Variants in PTPRG observed in about 807,000 individuals in gnomAD.
PTPRG encodes receptor-type tyrosine-protein phosphatase gamma.
Under a neutral mutation model 165.3 loss-of-function variants are expected in PTPRG, and 102 were observed. The observed-to-expected ratio is 0.62, with a 90% CI of 0.53 to 0.73. PTPRG has a LOEUF of 0.73. Ranked by LOEUF, PTPRG falls within the 30% of genes least tolerant of loss-of-function variation. The probability of loss-of-function intolerance (pLI) is 0.00; values close to 1 mark genes in which losing one functional copy is unlikely to be tolerated. For synonymous variants in PTPRG, 675 were observed against 669.5 expected (o/e 1.01, Z -0.13); for missense variants, 1,866 against 1,861.4 (o/e 1.00, Z -0.05).
intron 2 of PTPRG, among the ~76,000 whole-genome samples, chr3:61,872,507 G>A (rs2037612572): frequency 6.6e-6 from 1 of 152,158 alleles, no homozygotes; most frequent in Admixed American, 6.5e-5. Context: ...TCTGTAAAGT[G>A]GGAATCATAA....
intron 5 of PTPRG, among the ~76,000 whole-genome samples, chr3:62,125,582 T>C (rs114670164): frequency 0.015 from 2,336 of 152,288 alleles, 59 homozygotes; most frequent in African/African-American, 0.052. Flanking sequence ...AAAGTCAAAG[T>C]TGTCCAGCAC....
rs1218170823 is a variant in PTPRG, at chr3:61,957,814, A to G, written c.191-31811A>G. Among the ~76,000 whole-genome samples, 3 of 152,206 alleles carry G rather than the reference A, an allele frequency of 2.0e-5. No homozygotes were observed. The East Asian group carries it at 5.8e-4, about 29-fold the overall frequency. ...GCAGCATCCAGTTTTGCACTATTGA[A>G]TCACCCCACTTGAAAGCCTCAGAGA... On this transcript the variant is annotated intron_variant, in intron 2 of 29. Coordinates refer to ENST00000474889, the MANE Select transcript of PTPRG (RefSeq NM_002841.4).
rs574639613 is a variant in PTPRG at position 62,195,612 on chromosome 3, G to C, written c.1327+442G>C. Among the ~76,000 whole-genome samples, 5 of 152,248 alleles carry C rather than the reference G, an allele frequency of 3.3e-5. No homozygotes were observed. Among genetic ancestry groups the C allele is most frequent in the Admixed American group, 2.0e-4 (3 of 15,300 alleles). On this transcript the variant is annotated intron_variant, in intron 10 of 29. Transcript: ENST00000474889. The surrounding 1 kb of genome is among the most constrained non-coding windows in gnomAD (Gnocchi z 4.4). ...TTGCAAGCCACACAAACAAGCGCCT[G>C]CATGCAGGATCCTTGAGATTCCTGG...
At chr3:62,027,906 A>T (rs1487441730) in intron 4 of PTPRG, among the ~76,000 whole-genome samples, 2 of 152,238 alleles carry the variant, frequency 1.3e-5, no homozygotes, top group Non-Finnish European at 2.9e-5. Flanking sequence ...ATAAAAAATC[A>T]CATCACTTGT....
intron 2 of PTPRG, among the ~76,000 whole-genome samples, chr3:61,847,519 C>A (rs1178212650): frequency 6.6e-6 from 1 of 152,172 alleles, no homozygotes; most frequent in East Asian, 1.9e-4. Flanking sequence ...CTCAGTCTCA[C>A]CGGCTGTATT....
chr3:61,820,603 GTTTTTTTTTTTTTTTTTTT>G (rs11329820), intron 2 of PTPRG, among the ~76,000 whole-genome samples: 1 of 65,730 alleles, frequency 1.5e-5, no homozygotes, highest in African/African-American at 6.5e-5. Flanking sequence ...CTGTGTCTCT[GTTTTTTTTTTTTTTTTTTT>G]TTTTTTTACT....
intron 1 of PTPRG, among the ~76,000 whole-genome samples, chr3:61,601,470 T>G (rs927177948): frequency 6.6e-6 from 1 of 152,222 alleles, no homozygotes; most frequent in Admixed American, 6.5e-5. Flanking sequence ...CATTATATCC[T>G]TTGGGTAATC....
intron 2 of PTPRG, among the ~76,000 whole-genome samples, chr3:61,886,579 C>T (rs1384976381): frequency 6.6e-6 from 1 of 152,072 alleles, no homozygotes; most frequent in Admixed American, 6.5e-5. Context: ...ACCTCCACTG[C>T]TGTTAGGATC....
chr3:62,096,883 A>G (rs1041876717), intron 5 of PTPRG, among the ~76,000 whole-genome samples: 3 of 152,206 alleles, frequency 2.0e-5, no homozygotes, highest in African/African-American at 7.2e-5. Context: ...TTTTATACTC[A>G]GTTATAATTT....
chr3:62,234,815 C>A (rs1700986995), intron 14 of PTPRG, among the ~76,000 whole-genome samples: 1 of 151,568 alleles, frequency 6.6e-6, no homozygotes. Flanking sequence ...TTTGAGTTTT[C>A]TTTTAAAAGT....
At chr3:62,022,161 CTG>C (rs1229069222) in intron 4 of PTPRG, among the ~76,000 whole-genome samples, 1 of 152,162 alleles carries the variant, frequency 6.6e-6, no homozygotes, top group African/African-American at 2.4e-5. Flanking sequence ...GGTACCATTG[CTG>C]TCTCATTAAT....
intron 2 of PTPRG, among the ~76,000 whole-genome samples, chr3:61,758,995 A>G (rs1018421932): frequency 6.6e-6 from 1 of 152,208 alleles, no homozygotes; most frequent in African/African-American, 2.4e-5. Context: ...ATAGTCTTAT[A>G]TGATCCTGTT....
rs549145766 is a variant in PTPRG, at chr3:62,193,821, G to A, written c.1219-1241G>A. Among the ~76,000 whole-genome samples, 7 of 152,328 alleles carry A rather than the reference G, an allele frequency of 4.6e-5. No homozygotes were observed. The South Asian group carries it at 1.2e-3, about 27-fold the overall frequency. On this transcript the variant is annotated intron_variant, in intron 9 of 29. Transcript: ENST00000474889. ...AAACCCACTCCCAATCGGTGGCTAA[G>A]CTCACAGAGCTGCTTCTATACTTGG...
chr3:62,264,798 G>T (rs191025933), intron 17 of PTPRG, among the ~76,000 whole-genome samples: 1 of 151,880 alleles, frequency 6.6e-6, no homozygotes, highest in South Asian at 2.1e-4. Flanking sequence ...CTTCTCTTTG[G>T]TGTATACGTA....
At chr3:62,129,421 A>G (rs536045733) in intron 5 of PTPRG, among the ~76,000 whole-genome samples, 1 of 152,272 alleles carries the variant, frequency 6.6e-6, no homozygotes, top group Admixed American at 6.5e-5. Flanking sequence ...GTAATTTATA[A>G]TGAACAGAAA....
At position 61,843,988 on chromosome 3, in the gene PTPRG, G is replaced by A. The variant is rs544361419; in HGVS notation, c.190+95006G>A. Reference sequence around the variant, plus strand: ...TCTTTTTTTTTTTTTTTTTGAAATGGAGTCTCATTCTGTCGCCCAGGCTGG... The same window carrying A: ...TCTTTTTTTTTTTTTTTTTGAAATGAAGTCTCATTCTGTCGCCCAGGCTGG... On this transcript the variant is annotated intron_variant, in intron 2 of 29. Transcript: ENST00000474889. Among the ~76,000 whole-genome samples, 679 of 144,410 alleles carry A rather than the reference G, an allele frequency of 4.7e-3. 3 individuals are homozygous for A. Among genetic ancestry groups the A allele is most frequent in the Non-Finnish European group, 7.9e-3 (527 of 66,704 alleles). 94.7% of individuals were successfully genotyped at this position (144,410 alleles called of 152,430 possible).
chr3:62,037,184 C>G (rs1450506194), intron 4 of PTPRG, among the ~76,000 whole-genome samples: 1 of 152,182 alleles, frequency 6.6e-6, no homozygotes, highest in Non-Finnish European at 1.5e-5. Flanking sequence ...GCACACACAG[C>G]TAGTTCAGTG....
intron 4 of PTPRG, among the ~76,000 whole-genome samples, chr3:62,017,026 C>G (rs1046466730): frequency 5.3e-5 from 8 of 152,242 alleles, no homozygotes; most frequent in African/African-American, 1.4e-4. Context: ...ACTCCCTCCC[C>G]CTCCCTCACC....
intron 1 of PTPRG, among the ~76,000 whole-genome samples, chr3:61,731,535 G>A (rs1055382020): frequency 6.6e-6 from 1 of 151,930 alleles, no homozygotes; most frequent in Non-Finnish European, 1.5e-5. Flanking sequence ...TTTTAGTAGA[G>A]ACAGGGTTTC....
Sources: gnomAD v4.1 joint callset for allele counts (sites outside exome capture counted in the v4.1 genomes callset) on GRCh38, gnomAD v4.1.1 for gene constraint, Gnocchi (gnomAD v3.1) non-coding constraint, MANE v1.5 for transcripts, NCBI Gene and HGNC (gene_info 2026-07-23, HGNC 2026-07-21) for gene names.